SLC29A3: variants seen among roughly 807,000 people sequenced by gnomAD.
SLC29A3 encodes the protein equilibrative nucleoside transporter 3.
Under a neutral mutation model 25.4 loss-of-function variants are expected in SLC29A3, and 18 were observed. The observed-to-expected ratio is 0.71, with a 90% confidence interval of 0.49 to 1.05. The LOEUF (loss-of-function observed/expected upper bound fraction) is 1.05, where lower values mean the gene tolerates loss of function less well. SLC29A3 is among the 50% of genes least tolerant of loss of function. SLC29A3 has a pLI of 0.00. For missense variants in SLC29A3, 586 were observed against 609.0 expected (o/e 0.96, Z 0.40); for synonymous variants, 258 against 267.1 (o/e 0.97, Z 0.33).
chr10:71,366,536 G>C (rs1027753756), downstream of SLC29A3, among the ~76,000 whole-genome samples: 2 of 152,134 alleles, frequency 1.3e-5, no homozygotes, highest in Admixed American at 1.3e-4. Flanking sequence ...TTCAACCAGT[G>C]GGTGACAGGG....
At chr10:71,363,513 G>C (rs917117218), downstream of SLC29A3, 1 of 367,944 alleles carries the variant, frequency 2.7e-6, no homozygotes, top group African/African-American at 2.1e-5. Context: ...ACCCAGGCTG[G>C]AGTGCAGTGG....
chr10:71,378,183 A>G (rs920100302), intron 4 of SLC29A3, among the ~76,000 whole-genome samples: 1 of 152,192 alleles, frequency 6.6e-6, no homozygotes, highest in Non-Finnish European at 1.5e-5. Context: ...GTAAAAAGAA[A>G]TCATAACAAA....
chr10:71,319,768 C>T (rs1845808112), intron 1 of SLC29A3: 1 of 160,204 alleles, frequency 6.2e-6, no homozygotes, highest in South Asian at 2.0e-4. Flanking sequence ...GTTCACAGCC[C>T]AGGAGATCGA....
chr10:71,368,164 A>T (rs540446952), downstream of SLC29A3, among the ~76,000 whole-genome samples: 4 of 152,182 alleles, frequency 2.6e-5, no homozygotes, highest in Non-Finnish European at 5.9e-5. Flanking sequence ...CAGGAGGTGG[A>T]GGTTACAGTG....
chr10:71,359,045 A>T (rs1442439527), intron 5 of SLC29A3, among the ~76,000 whole-genome samples: 2 of 152,118 alleles, frequency 1.3e-5, no homozygotes, highest in African/African-American at 2.4e-5. Context: ...AGTAGCTGGG[A>T]CAACAGGCAT....
intron 3 of SLC29A3, among the ~76,000 whole-genome samples, chr10:71,375,377 A>G (rs1172715013): frequency 1.3e-5 from 2 of 152,208 alleles, no homozygotes; most frequent in African/African-American, 4.8e-5. Flanking sequence ...AGTACGTTCA[A>G]TCCTGATTAC....
At chr10:71,322,192 T>G (rs539659071) in intron 1 of SLC29A3, among the ~76,000 whole-genome samples, 5 of 152,228 alleles carry the variant, frequency 3.3e-5, no homozygotes, top group African/African-American at 1.2e-4. Flanking sequence ...AAACTTCTTA[T>G]GTAGCCTTCC....
chr10:71,348,291 CAAA>C (rs1337472759), intron 3 of SLC29A3, among the ~76,000 whole-genome samples: 2 of 152,226 alleles, frequency 1.3e-5, no homozygotes, highest in African/African-American at 4.8e-5. Context: ...GGAACTGGTT[CAAA>C]CTTCTTGGCA....
intron 2 of SLC29A3, among the ~76,000 whole-genome samples, chr10:71,333,456 G>A (rs982096909): frequency 3.9e-5 from 6 of 152,266 alleles, no homozygotes; most frequent in Non-Finnish European, 8.8e-5. Context: ...CCCAAGGCGG[G>A]AGCAGTCTGT....
chr10:71,323,670 C>T (rs1380018293), intron 2 of SLC29A3, among the ~76,000 whole-genome samples: 1 of 152,238 alleles, frequency 6.6e-6, no homozygotes, highest in Non-Finnish European at 1.5e-5. Context: ...ATCTCAGAAC[C>T]ATGTGCCTGC....
chr10:71,369,636 G>T (rs1255308407), intron 3 of SLC29A3, among the ~76,000 whole-genome samples: 1 of 152,206 alleles, frequency 6.6e-6, no homozygotes, highest in African/African-American at 2.4e-5. Context: ...TCCACTGCTG[G>T]CCATGAGCTT....
chr10:71,339,522 C>T (rs1846340584), intron 2 of SLC29A3, among the ~76,000 whole-genome samples: 1 of 152,164 alleles, frequency 6.6e-6, no homozygotes, highest in South Asian at 2.1e-4. Context: ...GCCTCTCTGC[C>T]ATTAGCGCTC....
At chr10:71,340,852 A>G (rs919887184) in intron 2 of SLC29A3, among the ~76,000 whole-genome samples, 4 of 152,210 alleles carry the variant, frequency 2.6e-5, no homozygotes, top group African/African-American at 9.7e-5. Flanking sequence ...TTAGGAAGGC[A>G]GTGCTGGTGG....
chr10:71,370,468 G>T lies in SLC29A3; in HGVS notation c.*95-5227G>T, dbSNP rs761104122. On this transcript the variant is annotated intron_variant and NMD_transcript_variant, in intron 3 of 4. Transcript: ENST00000642772. ...GCAGTTTCTAACAGATTTAAGTTCC[G>T]GAGGCCCAAGGAGATTGAACGTCCT... Among the ~76,000 whole-genome samples, 2 of 152,298 alleles carry T rather than the reference G, an allele frequency of 1.3e-5. 1 individual carries two copies. Among genetic ancestry groups the T allele is most frequent in the Middle Eastern group, 6.8e-3 (2 of 294 alleles).
intron 1 of SLC29A3, chr10:71,319,596 G>A (rs1038282168): frequency 5.4e-6 from 2 of 369,538 alleles, no homozygotes; most frequent in Non-Finnish European, 9.6e-6. Context: ...TGGACCCGTC[G>A]GCCCGAAGTA....
In SLC29A3 at chr10:71,376,244, AT is replaced by A. The variant is rs1161774630; in HGVS notation, c.*211+436del. ...ATTGCTTATTGAAACTACTATGATG[AT>A]TTGCCCACTAACCTCCACTGGGCCC... On this transcript the variant is annotated intron_variant and NMD_transcript_variant, in intron 4 of 4. Coordinates refer to the SLC29A3 transcript ENST00000642772. 8.5e-5 allele frequency among the ~76,000 whole-genome samples: 13 copies of A among 152,314 alleles called. No homozygotes were observed. The East Asian group carries it at 2.3e-3, about 27-fold the overall frequency.
At chr10:71,380,669 G>A (rs1564548119) in exon 5 of SLC29A3, 1 of 152,230 alleles carries the variant, frequency 6.6e-6, no homozygotes, top group Non-Finnish European at 1.5e-5. Context: ...GACACTGCCA[G>A]CCTGCCCTTC....
intron 2 of SLC29A3, among the ~76,000 whole-genome samples, chr10:71,343,077 T>TC (rs1846455883): frequency 2.6e-5 from 4 of 152,138 alleles, no homozygotes; most frequent in Non-Finnish European, 5.9e-5. Flanking sequence ...GCTCCAGCAA[T>TC]CCCCCTGCCT....
intron 3 of SLC29A3, among the ~76,000 whole-genome samples, chr10:71,371,081 C>T (rs988935237): frequency 3.3e-5 from 5 of 152,180 alleles, no homozygotes; most frequent in African/African-American, 9.6e-5. Context: ...GCGCTTGGCC[C>T]GAATGATTCT....
Sources: allele counts gnomAD v4.1 joint callset (sites outside exome capture counted in the v4.1 genomes callset), GRCh38; gene constraint gnomAD v4.1.1; transcripts MANE v1.5; gene names NCBI Gene and HGNC (gene_info 2026-07-23, HGNC 2026-07-21).